LCK: variants seen among roughly 807,000 people sequenced by gnomAD.
LCK encodes the protein tyrosine-protein kinase Lck.
LCK carries 14 observed loss-of-function variants against 64.6 expected under a neutral mutation model. The observed-to-expected ratio is 0.22, with a 90% CI of 0.14 to 0.34. The LOEUF is 0.34. Ranked by LOEUF, LCK falls within the 10% of genes least tolerant of loss-of-function variation. The probability of loss-of-function intolerance (pLI) is 1.00; values close to 1 mark genes in which losing one functional copy is unlikely to be tolerated. For missense variants in LCK, 434 were observed against 668.1 expected (o/e 0.65, Z 3.86); for synonymous variants, 277 against 263.6 (o/e 1.05, Z -0.49).
intron 1 of LCK, among the ~76,000 whole-genome samples, chr1:32,252,535 T>C (rs1293548310): frequency 3.9e-5 from 6 of 152,188 alleles, no homozygotes; most frequent in Non-Finnish European, 8.8e-5. Context: ...CTCCAAGTCC[T>C]GTAGCCTCTT....
At chr1:32,272,646 AGAGC>A (rs1336236671) in intron 1 of LCK, among the ~76,000 whole-genome samples, 52 of 132,304 alleles carry the variant, frequency 3.9e-4, no homozygotes, top group African/African-American at 1.8e-3. Context: ...AGAGAGAGAG[AGAGC>A]GAGAGAGCGC....
chr1:32,253,697 G>A lies in LCK; in HGVS notation c.-6+2326G>A, dbSNP rs896846051. Among the ~76,000 whole-genome samples the A allele has an allele frequency of 4.6e-5, 7 of 152,308 alleles. No homozygotes were observed. The East Asian group carries it at 1.2e-3, about 25-fold the overall frequency. On this transcript the variant is annotated intron_variant, in intron 1 of 12. Transcript: ENST00000336890. ...CCACTCAGCACCTTGGTGGGCCAGT[G>A]AACCACCCATTCCCTCACACTTGTG...
chr1:32,258,524 G>A (rs1013355637), intron 1 of LCK, among the ~76,000 whole-genome samples: 6 of 149,586 alleles, frequency 4.0e-5, no homozygotes, highest in Non-Finnish European at 8.9e-5. Flanking sequence ...GCTCACACCT[G>A]TAATCCCAGC....
In LCK at chr1:32,276,109, C is replaced by A. The variant is rs1303658344; in HGVS notation, c.631+46C>A. On this transcript the variant is annotated intron_variant, in intron 7 of 12. Coordinates refer to ENST00000336890, the MANE Select transcript of LCK (RefSeq NM_005356.5). The surrounding 1 kb of genome is among the most constrained non-coding windows in gnomAD (Gnocchi z 4.6). The stretch of plus-strand genomic sequence containing the variant: ...CCCCCGTGCCCTATCAGCCTATCTC[C>A]CCTCAGTCCCCCTCAGGTGTCCCCC... 38 of 1,594,444 alleles carry A rather than the reference C, an allele frequency of 2.4e-5. No individual in the cohort carries two copies. The highest frequency in any genetic ancestry group is 3.0e-5 in the Non-Finnish European group (35 of 1,164,404).
chr1:32,254,965 A>G (rs968542420), intron 1 of LCK, among the ~76,000 whole-genome samples: 2 of 152,202 alleles, frequency 1.3e-5, no homozygotes, highest in Non-Finnish European at 2.9e-5. Flanking sequence ...CCTGGGCAAC[A>G]TAGGCAGACC....
intron 1 of LCK, among the ~76,000 whole-genome samples, chr1:32,262,921 A>G (rs1291596786): frequency 6.6e-6 from 1 of 151,558 alleles, no homozygotes; most frequent in African/African-American, 2.4e-5. Context: ...TCCCAGAACC[A>G]GCAATGAGGG....
Position 32,276,107 on chromosome 1 carries a change from T to TC in LCK, c.631+48dup. 1 of 1,601,570 alleles carries TC rather than the reference T, an allele frequency of 6.2e-7. No individual in the cohort carries two copies. Among genetic ancestry groups the TC allele is most frequent in the Non-Finnish European group, 8.5e-7 (1 of 1,170,690 alleles). On this transcript the variant is annotated intron_variant, in intron 7 of 12. Transcript: ENST00000336890. This position sits in a 1 kb window ranked among gnomAD's most constrained non-coding sequence, Gnocchi z 4.6. Reference sequence around the variant, plus strand: ...CTCCCCCGTGCCCTATCAGCCTATCTCCCCTCAGTCCCCCTCAGGTGTCCC... The same window carrying TC: ...CTCCCCCGTGCCCTATCAGCCTATCTCCCCCTCAGTCCCCCTCAGGTGTCCC...
rs1270606553 is a variant in LCK, at chr1:32,275,679, G to A, written c.481+7G>A. On this transcript the variant is annotated splice_region_variant and intron_variant, in intron 6 of 12. Transcript: ENST00000336890. The surrounding 1 kb of genome is among the most constrained non-coding windows in gnomAD (Gnocchi z 6.9). ...GAGAGCGAGAGCACCGCGGGTGAGCGGGCGGCGGTCTCGACCGGGCGCGGG... is the reference window on the plus strand; with the variant it reads ...GAGAGCGAGAGCACCGCGGGTGAGCAGGCGGCGGTCTCGACCGGGCGCGGG... 1.9e-5 allele frequency: 30 copies of A among 1,556,292 alleles called. No homozygotes were observed. In the Admixed American group the frequency reaches 2.9e-4, roughly 15 times the overall value.
chr1:32,254,469 T>G (rs1164181460), intron 1 of LCK, among the ~76,000 whole-genome samples: 1 of 151,974 alleles, frequency 6.6e-6, no homozygotes, highest in Non-Finnish European at 1.5e-5. Flanking sequence ...TACAGGCGTG[T>G]GCCACCATGT....
At position 32,275,445 on chromosome 1, in the gene LCK, G is replaced by A; in HGVS notation, c.377+26G>A. ...GTAAGTGGGGACCCGTCGTGGGGGT[G>A]GGTAGGAGCAGATCTAGGGATCCTG... On this transcript the variant is annotated intron_variant, in intron 5 of 12. Coordinates refer to ENST00000336890, the MANE Select transcript of LCK (RefSeq NM_005356.5). The surrounding 1 kb of genome is among the most constrained non-coding windows in gnomAD (Gnocchi z 6.9). 6.2e-7 allele frequency: 1 copy of A among 1,610,284 alleles called. No individual in the cohort carries two copies. Among genetic ancestry groups the A allele is most frequent in the Non-Finnish European group, 8.5e-7 (1 of 1,176,936 alleles).
intron 1 of LCK, among the ~76,000 whole-genome samples, chr1:32,267,141 G>A (rs1557577470): frequency 6.6e-6 from 1 of 151,686 alleles, no homozygotes; most frequent in African/African-American, 2.4e-5. Context: ...TTTACTGGGG[G>A]CTCTTGTTGC....
At chr1:32,273,959 G>A (rs898272934) in intron 1 of LCK, among the ~76,000 whole-genome samples, 1 of 152,166 alleles carries the variant, frequency 6.6e-6, no homozygotes, top group Non-Finnish European at 1.5e-5. Context: ...GAAAGTGTGT[G>A]TCATCTCTAG....
At chr1:32,273,821 T>C (rs935268217) in intron 1 of LCK, among the ~76,000 whole-genome samples, 12 of 151,860 alleles carry the variant, frequency 7.9e-5, no homozygotes, top group Non-Finnish European at 1.2e-4. Flanking sequence ...GGCTTGATGG[T>C]GGACTTCGGG....
chr1:32,258,632 G>C (rs760068129), intron 1 of LCK, among the ~76,000 whole-genome samples: 1 of 151,092 alleles, frequency 6.6e-6, no homozygotes. Context: ...TAAAAAACAC[G>C]TCTCTACTAA....
intron 10 of LCK, 32 bp from the exon 11 acceptor site, chr1:32,279,809 C>T (rs1569966914): frequency 6.2e-7 from 1 of 1,613,068 alleles, no homozygotes; most frequent in East Asian, 2.2e-5. Flanking sequence ...AGACATCTGG[C>T]TCAGGACCGC....
chr1:32,278,639 T>C (rs1260747021), intron 9 of LCK, among the ~76,000 whole-genome samples: 1 of 152,172 alleles, frequency 6.6e-6, no homozygotes, highest in Non-Finnish European at 1.5e-5. Context: ...ATGCCCAGCC[T>C]ATCATGTGTA....
chr1:32,274,162 T>C (rs1409744826), intron 1 of LCK, 163 bp from the exon 2 acceptor site: 1 of 1,437,868 alleles, frequency 7.0e-7, no homozygotes, highest in Middle Eastern at 1.8e-4. Flanking sequence ...GGTTTGGAGC[T>C]GGGACCCCCT....
intron 1 of LCK, 79 bp from the exon 2 acceptor site, chr1:32,274,245 AG>A: frequency 6.2e-7 from 1 of 1,607,926 alleles, no homozygotes; most frequent in Non-Finnish European, 8.5e-7. Flanking sequence ...GGAACTTTCC[AG>A]GGCAAGGCCC....
chr1:32,253,048 G>A (rs931053619), intron 1 of LCK, among the ~76,000 whole-genome samples: 10 of 152,118 alleles, frequency 6.6e-5, no homozygotes, highest in Admixed American at 3.3e-4. Context: ...CTCTCTCTGA[G>A]CTTCAGTTTA....
Sources: gnomAD v4.1 joint callset for allele counts (sites outside exome capture counted in the v4.1 genomes callset) on GRCh38, gnomAD v4.1.1 for gene constraint, Gnocchi (gnomAD v3.1) non-coding constraint, MANE v1.5 for transcripts, NCBI Gene and HGNC (gene_info 2026-07-23, HGNC 2026-07-21) for gene names.